The following BRWD1 variants were observed in gnomAD, a reference collection of about 807,000 sequenced individuals.
The protein encoded by BRWD1 is bromodomain and WD repeat-containing protein 1.
BRWD1 carries 82 observed loss-of-function variants against 251.2 expected under a neutral mutation model. That is an observed-to-expected ratio of 0.33 (90% CI 0.27 to 0.39). The LOEUF is 0.39. Among genes scored for constraint, BRWD1 ranks in the 10% least tolerant of loss-of-function variants. The probability of loss-of-function intolerance (pLI) is 1.00; values close to 1 mark genes in which losing one functional copy is unlikely to be tolerated. For synonymous variants in BRWD1, 918 were observed against 902.8 expected (o/e 1.02, Z -0.30); for missense variants, 2,233 against 2,711.6 (o/e 0.82, Z 3.92).
intron 7 of BRWD1, among the ~76,000 whole-genome samples, chr21:39,295,480 C>T (rs2035938494): frequency 6.6e-6 from 1 of 152,100 alleles, no homozygotes; most frequent in Admixed American, 6.5e-5. Flanking sequence ...AGCCACCGCG[C>T]CCGGCCAGGT....
chr21:39,317,401 T>A (rs570368512), upstream of BRWD1, among the ~76,000 whole-genome samples: 10 of 152,328 alleles, frequency 6.6e-5, no homozygotes, highest in South Asian at 2.1e-3. Flanking sequence ...GGAACCAACA[T>A]CTTATGCCGT....
rs1334552392 is a variant in BRWD1, at chr21:39,197,026, T to A, written c.6043A>T (p.Asn2015Tyr). 5.0e-6 allele frequency: 8 copies of A among 1,614,114 alleles called. No homozygotes were observed. The East Asian group carries it at 1.8e-4, about 36-fold the overall frequency. Residue 2015 changes from asparagine to tyrosine, a missense_variant, in exon 41 of 41, where the codon AAT (asparagine) becomes TAT (tyrosine). This residue lies in a region of BRWD1 where 928 missense variants were observed against 970.0 expected (regional missense o/e 0.96). Transcript: ENST00000342449. The stretch of plus-strand genomic sequence containing the variant: ...ATATCTTCAGAGTCTGAGTCTCCAT[T>A]TAGAGCCTGACTAAGCACTTTTGTA... ...GSTKVLSQAL[N>Y]GDSDSEDMLN...
chr21:39,229,433 G>T lies in BRWD1; in HGVS notation c.3004C>A (p.Gln1002Lys). 6.2e-7 allele frequency: 1 copy of T among 1,606,596 alleles called. No individual in the cohort carries two copies. The highest frequency in any genetic ancestry group is 8.5e-7 in the Non-Finnish European group (1 of 1,174,166). The change falls in exon 26 of 41, where the codon CAA becomes AAA. Residue 1002 changes from glutamine to lysine, a missense_variant. By Grantham distance (53) the Gln-to-Lys change is moderately conservative. This residue lies in a region of BRWD1 where 139 missense variants were observed against 272.8 expected (regional missense o/e 0.51). Transcript: ENST00000342449. ...EPWRKMDLRD[Q>K]ELVKIVGIRY... is the part of the protein sequence containing the mutation. ...ATTCCAACTATTTTAACCAATTCTT[G>T]ATCCTTTAACAGACATATTTTTTAA...
intron 8 of BRWD1, among the ~76,000 whole-genome samples, chr21:39,285,032 C>T (rs2035588712): frequency 6.6e-6 from 1 of 152,176 alleles, no homozygotes; most frequent in African/African-American, 2.4e-5. Flanking sequence ...CCCATGTTTA[C>T]TGCAGTGCCA....
chr21:39,187,794 CAGATTA>C lies in BRWD1; in HGVS notation c.*8459_*8464del, dbSNP rs2031327706. The stretch of plus-strand genomic sequence containing the variant: ...ACCTAGGTATGTGACACACGAGATT[CAGATTA>C]AAATTCTAAAAAATAACACAGAGTT... On this transcript the variant is annotated 3_prime_UTR_variant, in exon 41 of 41. Coordinates refer to ENST00000342449, the MANE Select transcript of BRWD1 (RefSeq NM_033656.4). 1 of 985,108 alleles carries C rather than the reference CAGATTA, an allele frequency of 1.0e-6. No homozygotes were observed. The highest frequency in any genetic ancestry group is 6.2e-5 in the Admixed American group (1 of 16,258). 61.0% of individuals were successfully genotyped at this position (985,108 alleles called of 1,614,324 possible). A position where few individuals can be genotyped will look rare whatever the true frequency, so the allele number is the denominator to read the frequency against.
intron 21 of BRWD1, among the ~76,000 whole-genome samples, chr21:39,242,429 G>A (rs2034035443): frequency 6.6e-6 from 1 of 152,208 alleles, no homozygotes; most frequent in African/African-American, 2.4e-5. Flanking sequence ...ACTTGCAGAG[G>A]TTGGTTCATG....
chr21:39,271,410 C>T (rs1243524319), intron 13 of BRWD1, among the ~76,000 whole-genome samples: 6 of 152,038 alleles, frequency 3.9e-5, no homozygotes, highest in Admixed American at 2.6e-4. Flanking sequence ...CAAGCATCGG[C>T]CGGGCACGGT....
intron 21 of BRWD1, among the ~76,000 whole-genome samples, chr21:39,246,716 A>G (rs977043823): frequency 1.3e-5 from 2 of 152,260 alleles, no homozygotes; most frequent in Non-Finnish European, 2.9e-5. Context: ...CATGCTACAC[A>G]AATGCTCAAC....
At chr21:39,224,553 G>A in intron 28 of BRWD1, 84 bp from the exon 29 acceptor site, 4 of 900,274 alleles carry the variant, frequency 4.4e-6, no homozygotes, top group South Asian at 1.7e-5. Flanking sequence ...AATACAAAAT[G>A]TGAAAATTAA....
chr21:39,240,198 A>T (rs994610520), intron 21 of BRWD1, among the ~76,000 whole-genome samples: 5 of 152,210 alleles, frequency 3.3e-5, no homozygotes, highest in Non-Finnish European at 7.3e-5. Flanking sequence ...CAAAGATAAA[A>T]CTATGAAGAC....
chr21:39,185,000 A>C (rs1400293651), downstream of BRWD1: 1 of 152,188 alleles, frequency 6.6e-6, no homozygotes, highest in Non-Finnish European at 1.5e-5. Context: ...TGCAAAGCAA[A>C]TTACTGTAAA....
intron 22 of BRWD1, among the ~76,000 whole-genome samples, chr21:39,237,393 C>T (rs759262492): frequency 6.6e-6 from 1 of 152,156 alleles, no homozygotes; most frequent in Non-Finnish European, 1.5e-5. Flanking sequence ...CCCTGGTCCA[C>T]TACTAGCTTC....
chr21:39,191,867 G>A lies in BRWD1; in HGVS notation c.*4392C>T. The A allele has an allele frequency of 3.0e-6, 3 of 984,336 alleles. No individual in the cohort carries two copies. The highest frequency in any genetic ancestry group is 3.6e-6 in the Non-Finnish European group (3 of 829,094). 61.0% of individuals were successfully genotyped at this position (984,336 alleles called of 1,614,324 possible). ...AAATGAAAAAACTTACCTTAAAACT[G>A]ACATAACTAAAATATGACCAGAAAG... On this transcript the variant is annotated 3_prime_UTR_variant, in exon 41 of 41. Coordinates refer to ENST00000342449, the MANE Select transcript of BRWD1 (RefSeq NM_033656.4).
Position 39,197,237 on chromosome 21 carries a change from A to G in BRWD1, c.5832T>C (p.Asp1944=), listed in dbSNP as rs754554344. ...CATTTTCTAAACTGACATCTTCTACATCACTCATGAGCTTGATCTTATTGG... is the reference window on the plus strand; with the variant it reads ...CATTTTCTAAACTGACATCTTCTACGTCACTCATGAGCTTGATCTTATTGG... The part of the protein sequence containing the change: ...TAANKIKLMS[D]VEDVSLENVH... Residue 1944 remains aspartate, a synonymous_variant, in exon 41 of 41, where the codon GAT becomes GAC. Transcript: ENST00000342449. 5.0e-6 allele frequency: 8 copies of G among 1,614,098 alleles called. No homozygotes were observed. The highest frequency in any genetic ancestry group is 6.8e-6 in the Non-Finnish European group (8 of 1,179,962).
In BRWD1 at chr21:39,194,896, A is replaced by G. The variant is rs371740906; in HGVS notation, c.*1363T>C. 1.1e-4 allele frequency: 163 copies of G among 1,525,734 alleles called. No homozygotes were observed. In the African/African-American group the frequency reaches 2.0e-3, roughly 19 times the overall value. The allele number at this position is 1,525,734 out of a possible 1,614,324, so 94.5% of individuals were successfully genotyped here. A position where few individuals can be genotyped will look rare whatever the true frequency, so the allele number is the denominator to read the frequency against. On this transcript the variant is annotated 3_prime_UTR_variant, in exon 41 of 41. Coordinates refer to ENST00000342449, the MANE Select transcript of BRWD1 (RefSeq NM_033656.4). ...AATCAAACACAATTAGGGCTAATAA[A>G]TAACTTACAGGTGGGGTACTGTAAC...
At chr21:39,266,324 TTCC>T (rs555752107) in intron 15 of BRWD1, among the ~76,000 whole-genome samples, 55 of 152,352 alleles carry the variant, frequency 3.6e-4, no homozygotes, top group African/African-American at 1.3e-3. Context: ...TATATTTTTT[TTCC>T]TCCAACTGAT....
Position 39,280,172 on chromosome 21 carries a change from C to A in BRWD1, c.908G>T (p.Trp303Leu), listed in dbSNP as rs766324405. ...GADGTVCFWQ[W>L]DLESLKFSPR... ...CCTAAATTTTAAGGATTCTAAATCC[C>A]ATTGCCAAAAGCAAACTGTCCCATC... The change falls in exon 9 of 41, where the codon TGG becomes TTG. Residue 303 changes from tryptophan to leucine, a missense_variant. Transcript: ENST00000342449. 6.2e-7 allele frequency: 1 copy of A among 1,605,068 alleles called. No homozygotes were observed. Among genetic ancestry groups the A allele is most frequent in the Non-Finnish European group, 8.5e-7 (1 of 1,177,346 alleles).
intron 4 of BRWD1, 165 bp downstream of exon 4, chr21:39,312,676 C>A (rs183522779): frequency 0.024 from 10,689 of 451,224 alleles, 203 homozygotes; most frequent in Non-Finnish European, 0.033. Flanking sequence ...CTGGCCGCCT[C>A]AAAAACAAAA....
Position 39,199,123 on chromosome 21 carries a change from A to G in BRWD1, c.5293T>C (p.Ser1765Pro). ...GCAGTTCTGTTACATGCATGATCTG[A>G]ATCATGACTTTTAGAGTCTTCCTCA... Reference protein sequence around the residue: ...SSEEDSKSHDSDHACNRTAGP... With the variant: ...SSEEDSKSHDPDHACNRTAGP... The change falls in exon 40 of 41, where the codon TCA becomes CCA. Residue 1765 changes from serine to proline, a missense_variant. Physicochemically the swap from Ser to Pro is moderately conservative, Grantham distance 74 (BLOSUM62 -1). Coordinates refer to ENST00000342449, the MANE Select transcript of BRWD1 (RefSeq NM_033656.4). 1.9e-6 allele frequency: 3 copies of G among 1,614,028 alleles called. No individual in the cohort carries two copies. The highest frequency in any genetic ancestry group is 2.5e-6 in the Non-Finnish European group (3 of 1,179,986).
Sources: allele counts gnomAD v4.1 joint callset (sites outside exome capture counted in the v4.1 genomes callset), GRCh38; gene constraint gnomAD v4.1.1; regional missense constraint gnomAD v4.1.1; transcripts MANE v1.5; gene names NCBI Gene and HGNC (gene_info 2026-07-23, HGNC 2026-07-21).